The following COL21A1 variants were observed in gnomAD, a reference collection of about 807,000 sequenced individuals.
The protein encoded by COL21A1 is collagen alpha-1(XXI) chain.
COL21A1 carries 149 observed loss-of-function variants against 137.9 expected under a neutral mutation model. The observed-to-expected ratio is 1.08, with a 90% CI of 0.95 to 1.24. The LOEUF (loss-of-function observed/expected upper bound fraction) is 1.24. Among genes scored for constraint, COL21A1 ranks in the 50% most tolerant of loss-of-function variants. The pLI is 0.00. For missense variants in COL21A1, 1,167 were observed against 1,158.4 expected (o/e 1.01, Z -0.11); for synonymous variants, 456 against 391.5 (o/e 1.16, Z -1.95).
chr6:56,124,383 C>CA (rs1772829699), intron 14 of COL21A1, 91 bp from the exon 15 acceptor site: 4 of 1,216,304 alleles, frequency 3.3e-6, no homozygotes, highest in Non-Finnish European at 3.6e-6. Context: ...ACTAAGTTAA[C>CA]ATCATTATGT....
At chr6:56,174,894 G>A (rs1349563215) in intron 3 of COL21A1, among the ~76,000 whole-genome samples, 2 of 152,050 alleles carry the variant, frequency 1.3e-5, no homozygotes, top group African/African-American at 4.8e-5. Flanking sequence ...GAATATAGAT[G>A]TAAATATCCC....
chr6:56,087,061 CTTTTG>C (rs58458377), intron 17 of COL21A1, among the ~76,000 whole-genome samples: 83,474 of 148,616 alleles, frequency 0.56, 24,195 homozygotes, highest in East Asian at 0.69. Context: ...GTCCCTTCAC[CTTTTG>C]TTTTGTTTTG....
chr6:56,302,787 G>C (rs1764335138), intron 1 of COL21A1, among the ~76,000 whole-genome samples: 1 of 151,604 alleles, frequency 6.6e-6, no homozygotes, highest in African/African-American at 2.4e-5. Flanking sequence ...TGGTGTTTTA[G>C]ACATGAAGTC....
chr6:56,382,327 C>T (rs1188850018), intron 1 of COL21A1, among the ~76,000 whole-genome samples: 1 of 152,084 alleles, frequency 6.6e-6, no homozygotes, highest in Non-Finnish European at 1.5e-5. Flanking sequence ...TCTCATAATT[C>T]CATTAGAAAA....
At chr6:56,288,341 T>C (rs1763963316) in intron 1 of COL21A1, among the ~76,000 whole-genome samples, 1 of 151,986 alleles carries the variant, frequency 6.6e-6, no homozygotes, top group Non-Finnish European at 1.5e-5. Flanking sequence ...CTCCCCTAGA[T>C]AATACAGGTT....
intron 1 of COL21A1, among the ~76,000 whole-genome samples, chr6:56,220,380 A>G (rs1780754958): frequency 1.3e-5 from 2 of 152,194 alleles, no homozygotes; most frequent in African/African-American, 4.8e-5. Flanking sequence ...TGTTTGCAAA[A>G]AAGTTAGTCA....
At chr6:56,303,628 G>C (rs192401581) in intron 1 of COL21A1, among the ~76,000 whole-genome samples, 1 of 152,076 alleles carries the variant, frequency 6.6e-6, no homozygotes, top group Non-Finnish European at 1.5e-5. Flanking sequence ...AAGGAGATTT[G>C]GGGCTGAGAC....
intron 1 of COL21A1, among the ~76,000 whole-genome samples, chr6:56,217,774 C>A (rs1780580185): frequency 6.6e-6 from 1 of 151,998 alleles, no homozygotes; most frequent in Non-Finnish European, 1.5e-5. Flanking sequence ...AGGCTTCCAC[C>A]CACATGTAGT....
intron 1 of COL21A1, among the ~76,000 whole-genome samples, chr6:56,333,604 G>A (rs1236366199): frequency 6.6e-6 from 1 of 152,102 alleles, no homozygotes; most frequent in Non-Finnish European, 1.5e-5. Context: ...CACGTGTTAA[G>A]TCTTTGTATG....
In COL21A1 at chr6:56,064,580, G is replaced by A. The variant is rs552452598; in HGVS notation, c.2170C>T (p.Gln724Ter). ...ATCAGAAGAAAACCAAAAAATACCT[G>A]TTGCCCTGGAATTCCCTGTCTTCCA... is the stretch of plus-strand genomic sequence containing the variant. The part of the protein sequence containing the change: ...ENGRQGIPGQ[Q>*]GIQGHHGAKG... The change falls in exon 24 of 30, where the codon CAG becomes TAG. Residue 724 changes from glutamine to a stop codon, truncating the protein, a stop_gained and splice_region_variant. Transcript: ENST00000244728. LOFTEE classifies it high-confidence loss of function. 3 of 1,593,818 alleles carry A rather than the reference G, an allele frequency of 1.9e-6. No individual in the cohort carries two copies. Among genetic ancestry groups the A allele is most frequent in the African/African-American group, 1.3e-5 (1 of 74,434 alleles).
chr6:56,166,876 T>A, intron 7 of COL21A1, 30 bp downstream of exon 7: 3 of 1,548,416 alleles, frequency 1.9e-6, no homozygotes, highest in Non-Finnish European at 2.7e-6. Context: ...TAAAGCAACA[T>A]CTGGGAAAAA....
chr6:56,177,361 A>G (rs1374508033), intron 3 of COL21A1, among the ~76,000 whole-genome samples: 1 of 152,220 alleles, frequency 6.6e-6, no homozygotes, highest in Non-Finnish European at 1.5e-5. Context: ...TAACACTTCA[A>G]CATAGAAGTT....
In COL21A1 at chr6:56,179,979, T is replaced by G; in HGVS notation, c.239A>C (p.Gln80Pro). The G allele has an allele frequency of 1.9e-6, 3 of 1,613,936 alleles. No homozygotes were observed. The highest frequency in any genetic ancestry group is 2.5e-6 in the Non-Finnish European group (3 of 1,179,856). The change falls in exon 3 of 30, where the codon CAA becomes CCA. Residue 80 changes from glutamine to proline, a missense_variant. Physicochemically the swap from Gln to Pro is moderately conservative, Grantham distance 76. Coordinates refer to ENST00000244728, the MANE Select transcript of COL21A1 (RefSeq NM_030820.4). The part of the protein sequence containing the change: ...GPKFIQVGVV[Q>P]YSDYPVLEIP... ...CTCCAGCACAGGGTAGTCACTATAT[T>G]GAACCACTCCAACTTGAATAAACTT...
chr6:56,346,266 A>G (rs1226487921), intron 1 of COL21A1, among the ~76,000 whole-genome samples: 5 of 152,134 alleles, frequency 3.3e-5, no homozygotes, highest in Non-Finnish European at 7.4e-5. Flanking sequence ...CTGACTTCTA[A>G]TCCTGTACAT....
At chr6:56,210,333 AC>A (rs1316084391) in intron 1 of COL21A1, among the ~76,000 whole-genome samples, 3 of 152,178 alleles carry the variant, frequency 2.0e-5, no homozygotes, top group Non-Finnish European at 2.9e-5. Context: ...ACGATGGGTC[AC>A]CTTTGAAGGC....
rs1769982591 is a variant in COL21A1 at position 56,098,558 on chromosome 6, AATATATAAAT to A, written c.1812+2904_1812+2913del. On this transcript the variant is annotated intron_variant, in intron 17 of 29. Transcript: ENST00000244728. ...ATATATAAATATATAAATATATATA[AATATATAAAT>A]ATATATAAATATATATAAATATATA... is the stretch of plus-strand genomic sequence containing the variant. Among the ~76,000 whole-genome samples the A allele has an allele frequency of 2.5e-3, 23 of 9,204 alleles. 2 individuals are homozygous for A. The highest frequency in any genetic ancestry group is 0.019 in the South Asian group (6 of 322). 6.0% of individuals were successfully genotyped at this position (9,204 alleles called of 152,430 possible). A position where few individuals can be genotyped will look rare whatever the true frequency, so the allele number is the denominator to read the frequency against.
At chr6:56,303,960 A>G (rs1764369142) in intron 1 of COL21A1, among the ~76,000 whole-genome samples, 1 of 152,158 alleles carries the variant, frequency 6.6e-6, no homozygotes, top group African/African-American at 2.4e-5. Flanking sequence ...GAGTTTTGTC[A>G]AAGGCCTTTT....
intron 1 of COL21A1, among the ~76,000 whole-genome samples, chr6:56,367,707 A>T (rs544951594): frequency 6.6e-6 from 1 of 152,204 alleles, no homozygotes; most frequent in African/African-American, 2.4e-5. Context: ...CTAGTTTTCT[A>T]TTACTTGGAA....
intron 1 of COL21A1, among the ~76,000 whole-genome samples, chr6:56,228,613 A>T (rs888942387): frequency 1.3e-5 from 2 of 151,372 alleles, no homozygotes; most frequent in Non-Finnish European, 3.0e-5. Flanking sequence ...TTTCTAAAAA[A>T]GTATGGACAG....
Sources: gnomAD v4.1 joint callset for allele counts (sites outside exome capture counted in the v4.1 genomes callset) on GRCh38, gnomAD v4.1.1 for gene constraint, MANE v1.5 for transcripts, NCBI Gene and HGNC (gene_info 2026-07-23, HGNC 2026-07-21) for gene names.